The following CECR2 variants were observed in gnomAD, a reference collection of about 807,000 sequenced individuals.
CECR2 encodes CECR2 histone acetyl-lysine reader, also known as chromatin remodeling regulator CECR2.
Under a neutral mutation model 154.5 loss-of-function variants are expected in CECR2, and 30 were observed. The ratio of observed to expected loss-of-function variants is 0.19; its 90% CI spans 0.15 to 0.26. The LOEUF (loss-of-function observed/expected upper bound fraction) is 0.26. Ranked by LOEUF, CECR2 falls within the 10% of genes least tolerant of loss-of-function variation. The probability of loss-of-function intolerance (pLI) is 1.00; values close to 1 mark genes in which losing one functional copy is unlikely to be tolerated. For missense variants in CECR2, 1,743 were observed against 1,829.3 expected, an observed-to-expected ratio of 0.95 and a Z score of 0.86; for synonymous variants, 725 against 683.7, an observed-to-expected ratio of 1.06 and a Z score of -0.94.
chr22:17,537,328 T>C (rs2056452639), intron 10 of CECR2, 96 bp downstream of exon 10: 1 of 1,414,056 alleles, frequency 7.1e-7, no homozygotes, highest in Admixed American at 1.8e-5. Context: ...AACAGCCCTG[T>C]TGGGTAACAT....
chr22:17,410,124 G>A (rs1350273767), intron 1 of CECR2, among the ~76,000 whole-genome samples: 1 of 151,356 alleles, frequency 6.6e-6, no homozygotes, highest in Non-Finnish European at 1.5e-5. Context: ...TGAGATTACA[G>A]GCACGCACCA....
intron 1 of CECR2, among the ~76,000 whole-genome samples, chr22:17,476,255 C>T (rs5992724): frequency 1.3e-5 from 2 of 151,142 alleles, no homozygotes; most frequent in Non-Finnish European, 2.9e-5. Context: ...CCTGCTAGTA[C>T]TGATTGATTT....
intron 1 of CECR2, among the ~76,000 whole-genome samples, chr22:17,460,335 G>A (rs186044681): frequency 4.0e-4 from 61 of 152,228 alleles, no homozygotes; most frequent in Admixed American, 3.3e-3. Context: ...TCAGCCTCCC[G>A]ACTAGCTGGG....
At chr22:17,517,321 C>T (rs923331657) in intron 8 of CECR2, among the ~76,000 whole-genome samples, 1 of 152,214 alleles carries the variant, frequency 6.6e-6, no homozygotes, top group African/African-American at 2.4e-5. Context: ...TTTCCTGAGG[C>T]CTCCCAGTCA....
At chr22:17,412,320 C>A (rs181069511) in intron 1 of CECR2, among the ~76,000 whole-genome samples, 3 of 152,118 alleles carry the variant, frequency 2.0e-5, no homozygotes, top group African/African-American at 7.2e-5. Flanking sequence ...TGATTCAGTC[C>A]AGTTGGTAAA....
intron 1 of CECR2, among the ~76,000 whole-genome samples, chr22:17,405,458 T>A (rs1263832137): frequency 2.1e-4 from 23 of 110,934 alleles, no homozygotes; most frequent in African/African-American, 3.2e-4. Context: ...AAATAAAAAA[T>A]ATAAAATAAA....
rs2055090805 is a variant in CECR2 at position 17,469,609 on chromosome 22, TCC to T, written c.127-7978_127-7977del. Among the ~76,000 whole-genome samples the T allele has an allele frequency of 4.9e-5, 7 of 141,870 alleles. No individual in the cohort carries two copies. In the South Asian group the frequency reaches 6.8e-4, roughly 14 times the overall value. 93.1% of individuals were successfully genotyped at this position (141,870 alleles called of 152,430 possible). A position where few individuals can be genotyped will look rare whatever the true frequency, so the allele number is the denominator to read the frequency against. On this transcript the variant is annotated intron_variant, in intron 1 of 18. Coordinates refer to ENST00000262608, the MANE Select transcript of CECR2 (RefSeq NM_001290047.2). ...GATAACATTGTTTTTTTTTTTTTTT[TCC>T]AGTAAGAATCCAGTTCTCTTTTCTT...
intron 5 of CECR2, among the ~76,000 whole-genome samples, chr22:17,502,435 G>A (rs2055755895): frequency 1.3e-5 from 2 of 152,066 alleles, no homozygotes; most frequent in African/African-American, 4.8e-5. Flanking sequence ...CTTGACTGGA[G>A]CAGTGATAAA....
At chr22:17,439,285 A>G (rs2054550720) in intron 1 of CECR2, among the ~76,000 whole-genome samples, 1 of 152,074 alleles carries the variant, frequency 6.6e-6, no homozygotes, top group South Asian at 2.1e-4. Context: ...CCAGTTACCA[A>G]ATTTACTACA....
At position 17,429,555 on chromosome 22, in the gene CECR2, AAC is replaced by A. The variant is rs1225173247; in HGVS notation, c.127-48031_127-48030del. On this transcript the variant is annotated intron_variant, in intron 1 of 18. Transcript: ENST00000262608. The stretch of plus-strand genomic sequence containing the variant: ...CATCTCTACCAAAAACAAAAACAAA[AAC>A]AAAGAAAAGAAAAGAAAAAAGAGAT... 4.9e-4 allele frequency among the ~76,000 whole-genome samples: 74 copies of A among 151,240 alleles called. 3 individuals are homozygous for A. The highest frequency in any genetic ancestry group is 2.0e-3 in the Admixed American group (30 of 15,178).
intron 1 of CECR2, among the ~76,000 whole-genome samples, chr22:17,474,314 G>A (rs1460236199): frequency 6.6e-6 from 1 of 152,164 alleles, no homozygotes; most frequent in Non-Finnish European, 1.5e-5. Context: ...GTTGAACCCT[G>A]TTTTTAATGA....
At position 17,540,650 on chromosome 22, in the gene CECR2, C is replaced by T; in HGVS notation, c.1734C>T (p.Pro578=). The T allele has an allele frequency of 6.2e-7, 1 of 1,613,874 alleles. No homozygotes were observed. Among genetic ancestry groups the T allele is most frequent in the Non-Finnish European group, 8.5e-7 (1 of 1,179,850 alleles). ...TGGAGAATGGAGGAAAGTCGTTGCCCCCCACACGCCGAGCGCCCTCTTCTG... is the reference window on the plus strand; with the variant it reads ...TGGAGAATGGAGGAAAGTCGTTGCCTCCCACACGCCGAGCGCCCTCTTCTG... ...QPMENGGKSL[P]PTRRAPSSGD... The change falls in exon 14 of 19, where the codon CCC becomes CCT. Residue 578 remains proline, a synonymous_variant. Transcript: ENST00000262608.
chr22:17,381,182 C>G (rs577171239), intron 1 of CECR2, among the ~76,000 whole-genome samples: 98 of 152,318 alleles, frequency 6.4e-4, no homozygotes, highest in Non-Finnish European at 1.1e-3. Context: ...ATTTTCCACT[C>G]TTACACTGGC....
At chr22:17,427,833 C>A (rs965507150) in intron 1 of CECR2, among the ~76,000 whole-genome samples, 1 of 152,160 alleles carries the variant, frequency 6.6e-6, no homozygotes, top group African/African-American at 2.4e-5. Flanking sequence ...CAAGTCCCCA[C>A]CTGACCCAGA....
intron 7 of CECR2, among the ~76,000 whole-genome samples, chr22:17,506,403 A>G (rs2055845566): frequency 6.6e-6 from 1 of 152,172 alleles, no homozygotes; most frequent in South Asian, 2.1e-4. Context: ...CTGGGATTAC[A>G]GGTGTGAGCC....
chr22:17,532,875 G>T (rs190662647), intron 9 of CECR2, among the ~76,000 whole-genome samples: 2 of 150,650 alleles, frequency 1.3e-5, no homozygotes, highest in East Asian at 4.0e-4. Flanking sequence ...GTGCCACCAC[G>T]CCTGGCAATT....
intron 1 of CECR2, among the ~76,000 whole-genome samples, chr22:17,407,452 A>AGGCAC (rs2054001601): frequency 6.6e-6 from 1 of 152,258 alleles, no homozygotes; most frequent in Admixed American, 6.5e-5. Flanking sequence ...AAAATTCGCC[A>AGGCAC]GGCACGGTGG....
At chr22:17,470,941 T>G (rs1363481758) in intron 1 of CECR2, among the ~76,000 whole-genome samples, 1 of 152,148 alleles carries the variant, frequency 6.6e-6, no homozygotes, top group Non-Finnish European at 1.5e-5. Flanking sequence ...TCCAACTAAT[T>G]CAGCAGTGAT....
At chr22:17,508,896 T>A (rs537959377) in intron 7 of CECR2, among the ~76,000 whole-genome samples, 30 of 152,346 alleles carry the variant, frequency 2.0e-4, no homozygotes, top group Admixed American at 3.3e-4. Context: ...CTGGTAATAC[T>A]GTTTTGCAGT....
Sources: gnomAD v4.1 joint callset for allele counts (sites outside exome capture counted in the v4.1 genomes callset) on GRCh38, gnomAD v4.1.1 for gene constraint, MANE v1.5 for transcripts, NCBI Gene and HGNC (gene_info 2026-07-23, HGNC 2026-07-21) for gene names.